The following ASPH variants were observed in gnomAD, a reference collection of about 807,000 sequenced individuals.
ASPH encodes aspartyl/asparaginyl beta-hydroxylase.
A neutral mutation model predicts 118.4 loss-of-function variants in ASPH; 100 were observed. The ratio of observed to expected loss-of-function variants is 0.84; its 90% CI spans 0.72 to 1.00. The LOEUF (loss-of-function observed/expected upper bound fraction) is 1.00, where lower values mean the gene tolerates loss of function less well. Ranked by LOEUF, ASPH falls within the 50% of genes least tolerant of loss-of-function variation. The pLI is 0.00. For synonymous variants in ASPH, 315 were observed against 325.6 expected, an observed-to-expected ratio of 0.97 and a Z score of 0.35; for missense variants, 920 against 919.5, an observed-to-expected ratio of 1.00 and a Z score of -0.01.
Position 61,562,644 on chromosome 8 carries a change from T to C in ASPH, c.1437+100A>G. On this transcript the variant is annotated intron_variant, in intron 18 of 24. Coordinates refer to ENST00000379454, the MANE Select transcript of ASPH (RefSeq NM_004318.4). ...ACTATAATAATACTTACATGCTTTT[T>C]AACTTAATTTAAAATAAAGAGAGAC... The C allele has an allele frequency of 2.5e-6, 3 of 1,209,272 alleles. No homozygotes were observed. The South Asian group carries it at 5.9e-5, about 24-fold the overall frequency. The allele number at this position is 1,209,272 out of a possible 1,614,324, so 74.9% of individuals were successfully genotyped here. A position where few individuals can be genotyped will look rare whatever the true frequency, so the allele number is the denominator to read the frequency against.
At chr8:61,552,924 G>A (rs985361951) in intron 20 of ASPH, 107 bp downstream of exon 20, 23 of 940,140 alleles carry the variant, frequency 2.4e-5, no homozygotes, top group Admixed American at 8.6e-5. Flanking sequence ...CACTGCTTTC[G>A]AAAGTTCACA....
intron 15 of ASPH, chr8:61,579,648 T>A: frequency 6.8e-7 from 1 of 1,478,206 alleles, no homozygotes; most frequent in Non-Finnish European, 9.3e-7. Context: ...GGTGTCCGAG[T>A]CCTCTGACAT....
chr8:61,510,481 C>A (rs183701128), intron 24 of ASPH, among the ~76,000 whole-genome samples: 1 of 152,312 alleles, frequency 6.6e-6, no homozygotes, highest in East Asian at 1.9e-4. Flanking sequence ...TGGGAGCTGA[C>A]CTAGAAACCA....
chr8:61,683,901 T>C (rs868408994), intron 2 of ASPH, 138 bp downstream of exon 2: 41 of 1,008,592 alleles, frequency 4.1e-5, no homozygotes, highest in Middle Eastern at 4.8e-4. Flanking sequence ...CATATCCCCT[T>C]TCAGCCTCAC....
chr8:61,633,547 A>G (rs1856507054), intron 13 of ASPH, 136 bp downstream of exon 13: 1 of 725,186 alleles, frequency 1.4e-6, no homozygotes, highest in Admixed American at 3.5e-5. Context: ...TCAAAACAGA[A>G]AAATTCTAAA....
chr8:61,620,689 A>C (rs1850606916), intron 13 of ASPH, among the ~76,000 whole-genome samples: 1 of 152,246 alleles, frequency 6.6e-6, no homozygotes, highest in Non-Finnish European at 1.5e-5. Context: ...AGCATAAAAA[A>C]TTCCAGTCCT....
rs1853271308 is a variant in ASPH at position 61,627,152 on chromosome 8, AC to A, written c.934+6530del. ...TGAATGCTTCTATTTCCCCAAAAAG[AC>A]ATTACAAAAATATTCATAGCAGCTT... On this transcript the variant is annotated intron_variant, in intron 13 of 24. Coordinates refer to ENST00000379454, the MANE Select transcript of ASPH (RefSeq NM_004318.4). Among the ~76,000 whole-genome samples the A allele has an allele frequency of 1.2e-4, 19 of 152,326 alleles. No individual in the cohort carries two copies. In the South Asian group the frequency reaches 3.9e-3, roughly 32 times the overall value.
chr8:61,592,587 TA>T (rs781001607), intron 14 of ASPH, among the ~76,000 whole-genome samples: 1 of 152,024 alleles, frequency 6.6e-6, no homozygotes, highest in Non-Finnish European at 1.5e-5. Context: ...TGATGAAAAA[TA>T]ATCTAAAAAG....
chr8:61,653,463 T>C, intron 4 of ASPH, 105 bp downstream of exon 4: 1 of 1,063,610 alleles, frequency 9.4e-7, no homozygotes, highest in Non-Finnish European at 1.4e-6. Context: ...AATTATTCTG[T>C]AAATGATGTG....
At chr8:61,601,196 C>T (rs1843863192) in intron 14 of ASPH, among the ~76,000 whole-genome samples, 1 of 151,084 alleles carries the variant, frequency 6.6e-6, no homozygotes, top group Admixed American at 6.6e-5. Context: ...GCAGAGAGAA[C>T]ATCAGCAAGG....
intron 3 of ASPH, among the ~76,000 whole-genome samples, chr8:61,662,480 CAA>C (rs1817405894): frequency 6.6e-6 from 1 of 152,050 alleles, no homozygotes; most frequent in Non-Finnish European, 1.5e-5. Context: ...ACTTAGAAAA[CAA>C]TATGAAGCAA....
chr8:61,571,850 A>G (rs79176231), intron 16 of ASPH, among the ~76,000 whole-genome samples: 30 of 152,324 alleles, frequency 2.0e-4, no homozygotes, highest in Middle Eastern at 3.4e-3. Context: ...GTGATAAAAA[A>G]CACTACTTAT....
intron 1 of ASPH, among the ~76,000 whole-genome samples, chr8:61,695,623 G>A (rs1030679239): frequency 2.4e-4 from 36 of 152,136 alleles, no homozygotes; most frequent in African/African-American, 8.5e-4. Context: ...TCTTTACCAC[G>A]TTATTACACT....
chr8:61,553,823 A>G (rs1159059542), intron 19 of ASPH, among the ~76,000 whole-genome samples: 3 of 152,360 alleles, frequency 2.0e-5, no homozygotes, highest in South Asian at 2.1e-4. Context: ...CAGAAGGACA[A>G]AAGTTAAAAA....
chr8:61,675,224 A>G, intron 3 of ASPH: 1 of 750,914 alleles, frequency 1.3e-6, no homozygotes, highest in Non-Finnish European at 1.6e-6. Flanking sequence ...TATCCAATTA[A>G]TAAGTTAATG....
chr8:61,653,062 G>A (rs1198785031), intron 4 of ASPH, among the ~76,000 whole-genome samples: 2 of 152,152 alleles, frequency 1.3e-5, no homozygotes, highest in African/African-American at 4.8e-5. Flanking sequence ...AGGCTTTGGG[G>A]TAACTACAGA....
intron 14 of ASPH, among the ~76,000 whole-genome samples, chr8:61,608,824 C>T (rs980210434): frequency 2.0e-5 from 3 of 152,158 alleles, no homozygotes; most frequent in Non-Finnish European, 4.4e-5. Flanking sequence ...TGTGATTCTA[C>T]CGCACTTTCT....
intron 7 of ASPH, 87 bp from the exon 8 acceptor site, chr8:61,644,088 A>G (rs1336883147): frequency 2.0e-6 from 2 of 993,102 alleles, no homozygotes; most frequent in East Asian, 2.6e-5. Context: ...ATTTCTAGTT[A>G]TGATTGAAAT....
chr8:61,672,522 T>TA lies in ASPH; in HGVS notation c.322+8445_322+8446insT, dbSNP rs1278636827. 1.9e-3 allele frequency among the ~76,000 whole-genome samples: 284 copies of TA among 151,026 alleles called. 2 individuals are homozygous for TA. Among genetic ancestry groups the TA allele is most frequent in the African/African-American group, 5.0e-3 (204 of 41,038 alleles). ...TACCACTTATTTAAACCAGTTTTTT[T>TA]TAAAAAAAAAAAACTCAGTATTTTA... On this transcript the variant is annotated intron_variant, in intron 3 of 24. Coordinates refer to ENST00000379454, the MANE Select transcript of ASPH (RefSeq NM_004318.4).
Sources: allele counts gnomAD v4.1 joint callset (sites outside exome capture counted in the v4.1 genomes callset), GRCh38; gene constraint gnomAD v4.1.1; transcripts MANE v1.5; gene names NCBI Gene and HGNC (gene_info 2026-07-23, HGNC 2026-07-21).